Variants in NXPH1 observed in about 807,000 individuals in gnomAD.
NXPH1 encodes neurexophilin-1.
A neutral mutation model predicts 23.7 loss-of-function variants in NXPH1; 5 were observed. The ratio of observed to expected loss-of-function variants is 0.21; its 90% CI spans 0.11 to 0.44. NXPH1 has a LOEUF of 0.44. Among genes scored for constraint, NXPH1 ranks in the 20% least tolerant of loss-of-function variants. NXPH1 has a pLI of 0.99. For missense variants in NXPH1, 324 were observed against 321.6 expected (o/e 1.01, Z -0.06); for synonymous variants, 144 against 122.2 (o/e 1.18, Z -1.18).
intron 2 of NXPH1, among the ~76,000 whole-genome samples, chr7:8,740,258 A>G (rs1780338639): frequency 6.6e-6 from 1 of 152,168 alleles, no homozygotes; most frequent in Non-Finnish European, 1.5e-5. Flanking sequence ...TTTATACCTT[A>G]GTATAAAAGA....
intron 2 of NXPH1, among the ~76,000 whole-genome samples, chr7:8,525,217 A>T (rs574562580): frequency 7.6e-4 from 115 of 152,300 alleles, no homozygotes; most frequent in Non-Finnish European, 1.4e-3. Context: ...TAGCAAAGAG[A>T]CTGGTGGCAT....
chr7:8,689,265 CAAGTA>C (rs1821191940), intron 2 of NXPH1, among the ~76,000 whole-genome samples: 1 of 151,258 alleles, frequency 6.6e-6, no homozygotes, highest in Admixed American at 6.6e-5. Context: ...GTCTTTTACA[CAAGTA>C]AAGTAGGTGT....
intron 2 of NXPH1, among the ~76,000 whole-genome samples, chr7:8,688,110 T>A (rs981339648): frequency 6.6e-6 from 1 of 152,130 alleles, no homozygotes; most frequent in Non-Finnish European, 1.5e-5. Context: ...CTCCATGGCA[T>A]CTTGGACAAG....
At chr7:8,658,284 T>G (rs1306989042) in intron 2 of NXPH1, among the ~76,000 whole-genome samples, 1 of 152,256 alleles carries the variant, frequency 6.6e-6, no homozygotes, top group Non-Finnish European at 1.5e-5. Context: ...TGTTTTATTC[T>G]TTTTATCTTC....
intron 2 of NXPH1, among the ~76,000 whole-genome samples, chr7:8,448,930 T>C (rs1041295718): frequency 3.9e-5 from 6 of 151,936 alleles, no homozygotes; most frequent in African/African-American, 1.2e-4. Context: ...CTAATTGAGA[T>C]GAGAATCCTT....
intron 2 of NXPH1, among the ~76,000 whole-genome samples, chr7:8,642,049 T>C (rs78986792): frequency 0.047 from 7,199 of 152,270 alleles, 370 homozygotes; most frequent in East Asian, 0.17. Context: ...CCTTGGGCTT[T>C]CCTTCACCAT....
chr7:8,617,067 C>T (rs929969336), intron 2 of NXPH1, among the ~76,000 whole-genome samples: 1 of 151,904 alleles, frequency 6.6e-6, no homozygotes, highest in Non-Finnish European at 1.5e-5. Flanking sequence ...TTTGGAAATA[C>T]TTTTTGTCAT....
intron 2 of NXPH1, among the ~76,000 whole-genome samples, chr7:8,534,345 A>C (rs1817994471): frequency 6.6e-6 from 1 of 152,156 alleles, no homozygotes; most frequent in Non-Finnish European, 1.5e-5. Context: ...GTGATTACTA[A>C]ATTTTAAAAA....
At chr7:8,667,128 T>C (rs1331861931) in intron 2 of NXPH1, among the ~76,000 whole-genome samples, 1 of 151,986 alleles carries the variant, frequency 6.6e-6, no homozygotes, top group African/African-American at 2.4e-5. Flanking sequence ...CACAGTTTAA[T>C]TTTTTAATTA....
chr7:8,496,377 A>C (rs1336483074), intron 2 of NXPH1, among the ~76,000 whole-genome samples: 4 of 152,064 alleles, frequency 2.6e-5, no homozygotes, highest in Non-Finnish European at 5.9e-5. Flanking sequence ...AAATTTTAAC[A>C]TTAAATAAAA....
At chr7:8,580,937 A>T (rs1015206906) in intron 2 of NXPH1, among the ~76,000 whole-genome samples, 4 of 152,172 alleles carry the variant, frequency 2.6e-5, no homozygotes, top group African/African-American at 9.7e-5. Flanking sequence ...TTTTAAAAAC[A>T]TAACCATCAA....
At chr7:8,613,283 G>A (rs926664126) in intron 2 of NXPH1, among the ~76,000 whole-genome samples, 1 of 151,906 alleles carries the variant, frequency 6.6e-6, no homozygotes, top group Non-Finnish European at 1.5e-5. Context: ...AGCAAATCCA[G>A]TAACTCAAAA....
chr7:8,637,085 T>C (rs1337045926), intron 2 of NXPH1, among the ~76,000 whole-genome samples: 1 of 152,230 alleles, frequency 6.6e-6, no homozygotes, highest in Non-Finnish European at 1.5e-5. Context: ...AGCAGAATCA[T>C]GGTACTGCCT....
At chr7:8,572,986 A>G (rs1225612637) in intron 2 of NXPH1, among the ~76,000 whole-genome samples, 1 of 152,002 alleles carries the variant, frequency 6.6e-6, no homozygotes, top group African/African-American at 2.4e-5. Flanking sequence ...GGAATTTTGT[A>G]GAGGGGAGTT....
chr7:8,547,037 C>T (rs2214511), intron 2 of NXPH1, among the ~76,000 whole-genome samples: 12,680 of 151,432 alleles, frequency 0.084, 590 homozygotes, highest in Middle Eastern at 0.12. Context: ...TGAACATCCT[C>T]CTAAACTGAG....
chr7:8,745,533 C>T (rs568208400), intron 2 of NXPH1, among the ~76,000 whole-genome samples: 13 of 151,864 alleles, frequency 8.6e-5, no homozygotes, highest in Admixed American at 3.3e-4. Context: ...ACATTTGACA[C>T]GTCCTTTCTC....
chr7:8,575,519 C>T (rs954806060), intron 2 of NXPH1, among the ~76,000 whole-genome samples: 2 of 152,126 alleles, frequency 1.3e-5, no homozygotes, highest in Non-Finnish European at 2.9e-5. Flanking sequence ...TATGAAATTA[C>T]TTCTACCTAC....
intron 2 of NXPH1, among the ~76,000 whole-genome samples, chr7:8,453,450 C>T (rs988943981): frequency 6.6e-6 from 1 of 152,146 alleles, no homozygotes; most frequent in Non-Finnish European, 1.5e-5. Flanking sequence ...TTATTTCCAA[C>T]TGTGGCATTT....
intron 2 of NXPH1, among the ~76,000 whole-genome samples, chr7:8,447,656 T>C (rs1816428437): frequency 6.6e-6 from 1 of 152,220 alleles, no homozygotes; most frequent in East Asian, 1.9e-4. Context: ...TGAATAAACA[T>C]TCTGAAGTGT....
Sources: gnomAD v4.1 joint callset for allele counts (sites outside exome capture counted in the v4.1 genomes callset) on GRCh38, gnomAD v4.1.1 for gene constraint, MANE v1.5 for transcripts, NCBI Gene and HGNC (gene_info 2026-07-23, HGNC 2026-07-21) for gene names.